Variants in RIMS1 observed in about 807,000 individuals in gnomAD.
RIMS1 encodes regulating synaptic membrane exocytosis protein 1.
A neutral mutation model predicts 214.1 loss-of-function variants in RIMS1; 83 were observed. The ratio of observed to expected loss-of-function variants is 0.39; its 90% CI spans 0.32 to 0.47. RIMS1 has a LOEUF of 0.47. Ranked by LOEUF, RIMS1 falls within the 20% of genes least tolerant of loss-of-function variation. The pLI, the probability that RIMS1 is intolerant of heterozygous loss-of-function variation, is 0.99. For synonymous variants in RIMS1, 793 were observed against 786.8 expected (o/e 1.01, Z -0.13); for missense variants, 2,050 against 2,161.8 (o/e 0.95, Z 1.03).
Position 71,911,081 on chromosome 6 carries a change from T to C in RIMS1, c.164+23894T>C, listed in dbSNP as rs576745133. Among the ~76,000 whole-genome samples, 7 of 152,244 alleles carry C rather than the reference T, an allele frequency of 4.6e-5. No homozygotes were observed. The South Asian group carries it at 1.5e-3, about 32-fold the overall frequency. ...CACTTGAGTATTGTTGAAAACCTCT[T>C]TGGAAGAAGCCATATTGAAGACAAA... On this transcript the variant is annotated intron_variant, in intron 1 of 33. Coordinates refer to ENST00000521978, the MANE Select transcript of RIMS1 (RefSeq NM_014989.7).
At chr6:72,140,976 A>C (rs765496872) in intron 4 of RIMS1, among the ~76,000 whole-genome samples, 1 of 152,132 alleles carries the variant, frequency 6.6e-6, no homozygotes, top group African/African-American at 2.4e-5. Flanking sequence ...GATGTTCTCT[A>C]TCCTTCCACA....
chr6:72,307,391 C>T lies in RIMS1; in HGVS notation c.3963+21C>T, dbSNP rs188044723. 1,050 of 1,434,846 alleles carry T rather than the reference C, an allele frequency of 7.3e-4. 3 individuals are homozygous for T. Among genetic ancestry groups the T allele is most frequent in the Non-Finnish European group, 8.6e-4 (893 of 1,035,954 alleles). 88.9% of individuals were successfully genotyped at this position (1,434,846 alleles called of 1,614,324 possible). ...CCAAGGTAAAATTAGTAGTATCCAA[C>T]AAATAGTTTCCCTTTTAAAAATGTG... On this transcript the variant is annotated intron_variant, in intron 27 of 33. Coordinates refer to ENST00000521978, the MANE Select transcript of RIMS1 (RefSeq NM_014989.7).
At chr6:71,967,174 G>A (rs1393937938) in intron 1 of RIMS1, among the ~76,000 whole-genome samples, 1 of 152,138 alleles carries the variant, frequency 6.6e-6, no homozygotes, top group African/African-American at 2.4e-5. Context: ...GGATCACGAG[G>A]TCAGGAGATC....
At chr6:72,246,494 A>G (rs1245138251) in intron 11 of RIMS1, among the ~76,000 whole-genome samples, 1 of 152,208 alleles carries the variant, frequency 6.6e-6, no homozygotes, top group African/African-American at 2.4e-5. Flanking sequence ...TTACTTTGCA[A>G]TGGATGGGAA....
chr6:71,919,114 G>A (rs533546150), intron 1 of RIMS1, among the ~76,000 whole-genome samples: 3 of 152,190 alleles, frequency 2.0e-5, no homozygotes, highest in African/African-American at 7.2e-5. Flanking sequence ...AAGAGTTTGG[G>A]GAAAAGAGTC....
At chr6:72,137,370 C>T (rs896399235) in intron 4 of RIMS1, among the ~76,000 whole-genome samples, 2 of 151,942 alleles carry the variant, frequency 1.3e-5, no homozygotes, top group Admixed American at 1.3e-4. Context: ...TAGTACTTTT[C>T]TTGGAATCTT....
intron 2 of RIMS1, among the ~76,000 whole-genome samples, chr6:72,083,628 G>C (rs2153778841): frequency 6.6e-6 from 1 of 152,210 alleles, no homozygotes; most frequent in Middle Eastern, 3.4e-3. Context: ...AAACTTAAAA[G>C]CGAAGTACTC....
At position 72,235,635 on chromosome 6, in the gene RIMS1, A is replaced by G. The variant is rs192179523; in HGVS notation, c.1764A>G (p.Gln588=). ...SPISSHPVTW[Q]PSKEGDRLIG... ...TTTAACAGCATCCTGTAACGTGGCA[A>G]CCATCTAAAGAGGGGGACCGATTAA... is the stretch of plus-strand genomic sequence containing the variant. The change falls in exon 8 of 34, where the codon CAA becomes CAG. Residue 588 remains glutamine, a synonymous_variant. Transcript: ENST00000521978. 2.7e-4 allele frequency: 441 copies of G among 1,610,370 alleles called. No homozygotes were observed. The highest frequency in any genetic ancestry group is 2.4e-3 in the African/African-American group (180 of 74,948).
chr6:72,182,759 G>A lies in RIMS1; in HGVS notation c.1288G>A (p.Ala430Thr). 1 of 1,543,992 alleles carries A rather than the reference G, an allele frequency of 6.5e-7. No homozygotes were observed. Reference protein sequence around the residue: ...SPPDSPRAYSAERTAETRAPG... With the variant: ...SPPDSPRAYSTERTAETRAPG... ...GCCGGACTCGCCGCGGGCTTACTCG[G>A]CTGAGAGAACTGCGGAGACCAGGGC... The change falls in exon 6 of 34, where the codon GCT (alanine) becomes ACT (threonine). Residue 430 changes from alanine to threonine, a missense_variant. Physicochemically the swap from Ala to Thr is moderately conservative, Grantham distance 58. This residue lies in a region of RIMS1 where 882 missense variants were observed against 828.9 expected (regional missense o/e 1.06). Transcript: ENST00000521978.
rs200278023 is a variant in RIMS1 at position 72,182,339 on chromosome 6, C to G, written c.868C>G (p.Arg290Gly). ...TGGCAAAGGAGCCCTGAAGAGCGAG[C>G]GGAAACGCGTGCCAAAGACCTCAGC... is the stretch of plus-strand genomic sequence containing the variant. Reference protein sequence around the residue: ...QNGKGALKSERKRVPKTSAQP... With the variant: ...QNGKGALKSEGKRVPKTSAQP... The change falls in exon 6 of 34, where the codon CGG (arginine) becomes GGG (glycine). Residue 290 changes from arginine (R) to glycine (G), a missense_variant. By Grantham distance (125) the Arg-to-Gly change is moderately radical. Transcript: ENST00000521978. 2.7e-5 allele frequency: 44 copies of G among 1,612,602 alleles called. No individual in the cohort carries two copies. The African/African-American group carries it at 4.5e-4, about 17-fold the overall frequency.
intron 29 of RIMS1, among the ~76,000 whole-genome samples, chr6:72,360,695 ATATG>A (rs2097784851): frequency 6.7e-6 from 1 of 149,040 alleles, no homozygotes; most frequent in East Asian, 1.9e-4. Context: ...TCTATACTAT[ATATG>A]TATACTATAT....
intron 29 of RIMS1, among the ~76,000 whole-genome samples, chr6:72,335,844 A>T (rs750321774): frequency 1.3e-5 from 2 of 151,560 alleles, no homozygotes; most frequent in Non-Finnish European, 2.9e-5. Context: ...CTTTTTTTTC[A>T]TACGTTTGTT....
At chr6:72,222,475 C>A (rs1230031936) in intron 6 of RIMS1, among the ~76,000 whole-genome samples, 5 of 152,020 alleles carry the variant, frequency 3.3e-5, no homozygotes, top group Non-Finnish European at 5.9e-5. Flanking sequence ...TGCATTTAAT[C>A]TTTAAATTAA....
intron 6 of RIMS1, among the ~76,000 whole-genome samples, chr6:72,188,738 C>T (rs1467491604): frequency 6.6e-6 from 1 of 152,208 alleles, no homozygotes; most frequent in African/African-American, 2.4e-5. Flanking sequence ...GTAATCCTGC[C>T]TGGATTGGGC....
At chr6:72,028,136 A>G (rs1193539221) in intron 2 of RIMS1, among the ~76,000 whole-genome samples, 4 of 152,242 alleles carry the variant, frequency 2.6e-5, no homozygotes, top group Admixed American at 1.3e-4. Context: ...TGATTATTTG[A>G]TTTAGCCAAG....
chr6:72,308,240 C>T (rs1027706372), intron 27 of RIMS1, among the ~76,000 whole-genome samples: 12 of 151,856 alleles, frequency 7.9e-5, no homozygotes, highest in African/African-American at 2.9e-4. Context: ...TAAGGAAACA[C>T]CAAGGAGTTT....
chr6:72,115,863 C>A (rs1159607646), intron 4 of RIMS1, among the ~76,000 whole-genome samples: 2 of 151,618 alleles, frequency 1.3e-5, no homozygotes, highest in Non-Finnish European at 2.9e-5. Flanking sequence ...TTCACAGAAA[C>A]CTTCAAAAAT....
At chr6:72,173,860 G>C (rs1367985833) in intron 4 of RIMS1, among the ~76,000 whole-genome samples, 1 of 152,060 alleles carries the variant, frequency 6.6e-6, no homozygotes. Context: ...TGAACAACTG[G>C]AGAATCAGCC....
At chr6:72,227,741 G>A (rs1398663539) in intron 6 of RIMS1, among the ~76,000 whole-genome samples, 1 of 151,864 alleles carries the variant, frequency 6.6e-6, no homozygotes, top group Non-Finnish European at 1.5e-5. Flanking sequence ...CAACTCCGGA[G>A]GTTTCATTGA....
Sources: allele counts gnomAD v4.1 joint callset (sites outside exome capture counted in the v4.1 genomes callset), GRCh38; gene constraint gnomAD v4.1.1; regional missense constraint gnomAD v4.1.1; transcripts MANE v1.5; gene names NCBI Gene and HGNC (gene_info 2026-07-23, HGNC 2026-07-21).